TMTC4: variants seen among roughly 807,000 people sequenced by gnomAD.
TMTC4 encodes the protein transmembrane O-mannosyltransferase targeting cadherins 4, also known as protein O-mannosyl-transferase TMTC4.
TMTC4 carries 65 observed loss-of-function variants against 86.0 expected under a neutral mutation model. The observed-to-expected ratio is 0.76, with a 90% CI of 0.62 to 0.93. The LOEUF (loss-of-function observed/expected upper bound fraction) is 0.93. TMTC4 is among the 40% of genes least tolerant of loss of function. The probability of loss-of-function intolerance (pLI) is 0.00; values close to 1 mark genes in which losing one functional copy is unlikely to be tolerated. For synonymous variants in TMTC4, 379 were observed against 382.5 expected, an observed-to-expected ratio of 0.99 and a Z score of 0.11; for missense variants, 866 against 948.1, an observed-to-expected ratio of 0.91 and a Z score of 1.14.
intron 1 of TMTC4, chr13:100,674,086 G>A: frequency 1.0e-6 from 1 of 985,076 alleles, no homozygotes; most frequent in Non-Finnish European, 1.2e-6. Context: ...CGCAGAGTTC[G>A]CAGGAGGTGG....
At position 100,663,067 on chromosome 13, in the gene TMTC4, C is replaced by T. The variant is rs770890072; in HGVS notation, c.449G>A (p.Gly150Asp). The T allele has an allele frequency of 1.2e-6, 2 of 1,614,054 alleles. No individual in the cohort carries two copies. The highest frequency in any genetic ancestry group is 1.1e-5 in the South Asian group (1 of 91,082). ...GCCTTTACTGGTGTACTGCAGGCCG[C>T]CAAACAGAACCGAGAAGACGTCCAC... is the stretch of plus-strand genomic sequence containing the variant. ...LMVDVFSVLF[G>D]GLQYTSKGRR... Residue 150 changes from glycine (G) to aspartate (D), a missense_variant, in exon 5 of 19, where the codon GGC (glycine) becomes GAC (aspartate). Transcript: ENST00000342624.
chr13:100,608,228 G>A (rs1876968086), intron 17 of TMTC4, among the ~76,000 whole-genome samples: 1 of 152,164 alleles, frequency 6.6e-6, no homozygotes, highest in African/African-American at 2.4e-5. Flanking sequence ...TCAGGACATT[G>A]AGGAGTCAGC....
chr13:100,675,003 C>G, upstream of TMTC4: 1 of 985,600 alleles, frequency 1.0e-6, no homozygotes, highest in Middle Eastern at 5.2e-4. Context: ...CATTGGCGGA[C>G]GCGCCGGTGA....
intron 15 of TMTC4, chr13:100,625,308 C>T: frequency 1.6e-5 from 9 of 571,956 alleles, no homozygotes; most frequent in South Asian, 6.7e-5. Context: ...TAACCTTTTG[C>T]GTGGGTGACC....
At chr13:100,662,583 T>C (rs1885911230) in intron 5 of TMTC4, among the ~76,000 whole-genome samples, 1 of 152,096 alleles carries the variant, frequency 6.6e-6, no homozygotes, top group Non-Finnish European at 1.5e-5. Context: ...TGAAGAACAG[T>C]TCTTAGCCTC....
intron 4 of TMTC4, among the ~76,000 whole-genome samples, chr13:100,663,402 C>T (rs993602934): frequency 6.6e-6 from 1 of 152,128 alleles, no homozygotes; most frequent in Non-Finnish European, 1.5e-5. Context: ...ACGGATGAAA[C>T]ATATGTGTCC....
chr13:100,605,175 T>C lies in TMTC4; in HGVS notation c.2135-33A>G. The C allele has an allele frequency of 6.2e-7, 1 of 1,601,226 alleles. No individual in the cohort carries two copies. Among genetic ancestry groups the C allele is most frequent in the Non-Finnish European group, 8.5e-7 (1 of 1,174,054 alleles). ...AGCAGGAGATAAATTTCACTGGGAA[T>C]GCTTCTGAGTAACGTGCCGTATTCC... On this transcript the variant is annotated intron_variant, in intron 18 of 18. Transcript: ENST00000342624. This position sits in a 1 kb window ranked among gnomAD's most constrained non-coding sequence, Gnocchi z 4.3.
At chr13:100,622,072 T>G (rs1879591622) in intron 15 of TMTC4, among the ~76,000 whole-genome samples, 1 of 152,210 alleles carries the variant, frequency 6.6e-6, no homozygotes, top group African/African-American at 2.4e-5. Context: ...AGAAACTGGT[T>G]TCAACATCAA....
chr13:100,620,771 T>C (rs2138767762), intron 15 of TMTC4, among the ~76,000 whole-genome samples: 1 of 152,298 alleles, frequency 6.6e-6, no homozygotes, highest in South Asian at 2.1e-4. Flanking sequence ...TCTCTCCATA[T>C]TGGGGTCTAG....
intron 12 of TMTC4, among the ~76,000 whole-genome samples, chr13:100,627,215 C>G (rs899795578): frequency 2.0e-5 from 3 of 152,140 alleles, no homozygotes; most frequent in African/African-American, 7.2e-5. Context: ...TTGGAGAGCC[C>G]GGGAGGAGCA....
At chr13:100,630,460 C>G (rs1881200923) in intron 12 of TMTC4, among the ~76,000 whole-genome samples, 1 of 152,124 alleles carries the variant, frequency 6.6e-6, no homozygotes, top group Non-Finnish European at 1.5e-5. Flanking sequence ...TATTTTTGTC[C>G]TCAAATTGTA....
chr13:100,630,895 C>G (rs1284171600), intron 12 of TMTC4, among the ~76,000 whole-genome samples: 1 of 152,166 alleles, frequency 6.6e-6, no homozygotes, highest in Non-Finnish European at 1.5e-5. Context: ...TCTGATACAG[C>G]CTTAGAAGGC....
chr13:100,654,229 C>T (rs568968065), intron 6 of TMTC4, among the ~76,000 whole-genome samples: 10 of 152,284 alleles, frequency 6.6e-5, no homozygotes, highest in African/African-American at 9.6e-5. Flanking sequence ...CCACTGCTAT[C>T]GGTTTGCAAA....
chr13:100,668,522 G>A, intron 3 of TMTC4, 57 bp downstream of exon 3: 1 of 1,529,276 alleles, frequency 6.5e-7, no homozygotes, highest in Non-Finnish European at 9.0e-7. Flanking sequence ...ATACTTAGAT[G>A]ATTACTGAGA....
intron 15 of TMTC4, among the ~76,000 whole-genome samples, chr13:100,621,814 C>T (rs1390409095): frequency 1.3e-5 from 2 of 152,214 alleles, no homozygotes; most frequent in African/African-American, 4.8e-5. Context: ...GTAATCCCTA[C>T]ACCCATATAT....
At chr13:100,637,393 A>T in intron 9 of TMTC4, 145 bp downstream of exon 9, 1 of 1,091,242 alleles carries the variant, frequency 9.2e-7, no homozygotes, top group Non-Finnish European at 1.3e-6. Flanking sequence ...GAACATCTTT[A>T]GTGATCGCAA....
chr13:100,630,019 CTGTGTGTA>C (rs201946256), intron 12 of TMTC4, among the ~76,000 whole-genome samples: 39,193 of 146,696 alleles, frequency 0.27, 5,920 homozygotes, highest in Middle Eastern at 0.39. Context: ...GCCACCCAAT[CTGTGTGTA>C]TGTGTGTGTG....
intron 12 of TMTC4, among the ~76,000 whole-genome samples, chr13:100,631,518 G>A (rs936338574): frequency 6.6e-6 from 1 of 152,176 alleles, no homozygotes; most frequent in African/African-American, 2.4e-5. Context: ...CTCATCCACA[G>A]TAGTCTCAGT....
intron 5 of TMTC4, among the ~76,000 whole-genome samples, chr13:100,661,062 G>C (rs929722289): frequency 6.6e-5 from 10 of 152,174 alleles, no homozygotes; most frequent in African/African-American, 2.4e-4. Context: ...CAAAATATCT[G>C]TCTTACAATG....
Sources: allele counts gnomAD v4.1 joint callset (sites outside exome capture counted in the v4.1 genomes callset), GRCh38; gene constraint gnomAD v4.1.1; non-coding constraint Gnocchi (gnomAD v3.1); transcripts MANE v1.5; gene names NCBI Gene and HGNC (gene_info 2026-07-23, HGNC 2026-07-21).